Variants in ZBBX observed in about 807,000 individuals in gnomAD.
The protein encoded by ZBBX is zinc finger B-box domain-containing protein 1.
In ZBBX, 101 loss-of-function variants were observed where a neutral mutation model predicts 108.5. That is an observed-to-expected ratio of 0.93 (90% CI 0.79 to 1.10). The LOEUF is 1.10. Among genes scored for constraint, ZBBX ranks in the 50% least tolerant of loss-of-function variants. The probability of loss-of-function intolerance (pLI) is 0.00; values close to 1 mark genes in which losing one functional copy is unlikely to be tolerated. For synonymous variants in ZBBX, 356 were observed against 323.4 expected (o/e 1.10, Z -1.08); for missense variants, 1,009 against 941.4 (o/e 1.07, Z -0.94).
At position 167,262,192 on chromosome 3, in the gene ZBBX, C is replaced by T. The variant is rs1724662100; in HGVS notation, c.2255-19549G>A. On this transcript the variant is annotated intron_variant, in intron 20 of 21. Transcript: ENST00000675490. ...TTCCCACTTCAACAGTTGGGGCACT[C>T]AGTTTTTGTGGGTCGGGGGGGGCGT... Among the ~76,000 whole-genome samples the T allele has an allele frequency of 3.4e-5, 3 of 89,330 alleles. No homozygotes were observed. The Admixed American group carries it at 3.7e-4, about 11-fold the overall frequency. The allele number at this position is 89,330 out of a possible 152,430, so 58.6% of individuals were successfully genotyped here. A position where few individuals can be genotyped will look rare whatever the true frequency, so the allele number is the denominator to read the frequency against.
chr3:167,207,284 C>G, the ZBBX span, among the ~76,000 whole-genome samples: 3 of 152,110 alleles, frequency 2.0e-5, no homozygotes, highest in African/African-American at 7.2e-5. Flanking sequence ...AAACAAATAA[C>G]CTGATTTAAA....
chr3:167,274,266 T>C (rs538352993), intron 20 of ZBBX, among the ~76,000 whole-genome samples: 22 of 152,360 alleles, frequency 1.4e-4, no homozygotes, highest in Admixed American at 1.4e-3. Context: ...AAAGGAGTCA[T>C]GGCCCCAATC....
At chr3:167,366,562 TA>T (rs1745350270) in intron 5 of ZBBX, among the ~76,000 whole-genome samples, 2 of 151,790 alleles carry the variant, frequency 1.3e-5, no homozygotes, top group South Asian at 4.1e-4. Flanking sequence ...AAAATAACAA[TA>T]AGACAAAAAG....
At chr3:167,394,816 T>A (rs921872114) in intron 1 of ZBBX, among the ~76,000 whole-genome samples, 3 of 152,092 alleles carry the variant, frequency 2.0e-5, no homozygotes, top group African/African-American at 7.2e-5. Context: ...GGTCCAATCA[T>A]GGAAATTCTG....
At chr3:167,246,269 A>G (rs1267783933) in intron 20 of ZBBX, among the ~76,000 whole-genome samples, 1 of 152,226 alleles carries the variant, frequency 6.6e-6, no homozygotes, top group African/African-American at 2.4e-5. Flanking sequence ...TCAAAGACAC[A>G]CTAAAGCAAA....
rs375684808 is a variant in ZBBX, at chr3:167,259,508, C to T, written c.2255-16865G>A. 3.0e-3 allele frequency among the ~76,000 whole-genome samples: 458 copies of T among 152,116 alleles called. 2 individuals carry two copies. The highest frequency in any genetic ancestry group is 0.011 in the African/African-American group (448 of 41,492). ...TCTGATCTTGGTTATTTCCTTTCTT[C>T]TGCTGGGTTTGGGTTTGGTTTGTTC... On this transcript the variant is annotated intron_variant, in intron 20 of 21. Coordinates refer to ENST00000675490, the MANE Select transcript of ZBBX (RefSeq NM_001199201.2).
At chr3:167,403,814 A>C (rs1288479736) in intron 1 of ZBBX, among the ~76,000 whole-genome samples, 5 of 152,106 alleles carry the variant, frequency 3.3e-5, no homozygotes, top group Non-Finnish European at 5.9e-5. Context: ...AAAATCTAAC[A>C]GGTTATATAA....
intron 1 of ZBBX, among the ~76,000 whole-genome samples, chr3:167,401,747 T>C (rs1748430367): frequency 6.6e-6 from 1 of 152,174 alleles, no homozygotes; most frequent in South Asian, 2.1e-4. Context: ...CTGTATCTTC[T>C]GCCAACCTCC....
In ZBBX at chr3:167,365,947, T is replaced by C. The variant is rs1256136692; in HGVS notation, c.212A>G (p.Lys71Arg). Residue 71 changes from lysine (K) to arginine (R), a missense_variant, in exon 6 of 22, where the codon AAA becomes AGA. By Grantham distance (26) the Lys-to-Arg change is conservative. Transcript: ENST00000675490. ...TGATTGATTGACCAATTTGCCCACT[T>C]TTCCAGATTTCCAGTAATACTCGCT... ...ESSEYYWKSG[K>R]VGKLVNQSYM... 2 of 1,608,378 alleles carry C rather than the reference T, an allele frequency of 1.2e-6. No individual in the cohort carries two copies. Among genetic ancestry groups the C allele is most frequent in the African/African-American group, 1.3e-5 (1 of 74,754 alleles).
intron 18 of ZBBX, among the ~76,000 whole-genome samples, chr3:167,293,906 C>T (rs1249535887): frequency 1.6e-4 from 25 of 152,090 alleles, no homozygotes; most frequent in Admixed American, 1.6e-3. Flanking sequence ...CTATAACAGA[C>T]AAACAGAGAG....
At chr3:167,244,420 A>C (rs1721210381) in intron 20 of ZBBX, among the ~76,000 whole-genome samples, 2 of 152,366 alleles carry the variant, frequency 1.3e-5, no homozygotes, top group South Asian at 2.1e-4. Flanking sequence ...GAATACCAGC[A>C]GGTGAGATAT....
chr3:167,186,026 A>C, the ZBBX span, among the ~76,000 whole-genome samples: 2 of 151,904 alleles, frequency 1.3e-5, no homozygotes, highest in African/African-American at 4.8e-5. Context: ...TAAATACTTT[A>C]TTTTCCTTCA....
chr3:167,359,590 GT>G (rs1744178767), intron 8 of ZBBX, among the ~76,000 whole-genome samples: 1 of 152,066 alleles, frequency 6.6e-6, no homozygotes, highest in African/African-American at 2.4e-5. Context: ...ACTGCAACAT[GT>G]TTGTGTGCTA....
chr3:167,343,063 T>C (rs1740827732), intron 9 of ZBBX, among the ~76,000 whole-genome samples: 1 of 151,928 alleles, frequency 6.6e-6, no homozygotes, highest in Non-Finnish European at 1.5e-5. Flanking sequence ...GGGCTTTAAA[T>C]GTAGATAATA....
intron 19 of ZBBX, among the ~76,000 whole-genome samples, chr3:167,286,922 A>T (rs1729809104): frequency 6.6e-6 from 1 of 152,148 alleles, no homozygotes; most frequent in Non-Finnish European, 1.5e-5. Flanking sequence ...AGATTTCTAT[A>T]ACTTGTGACA....
intron 20 of ZBBX, among the ~76,000 whole-genome samples, chr3:167,250,827 G>A (rs1299483895): frequency 6.6e-6 from 1 of 152,114 alleles, no homozygotes; most frequent in Non-Finnish European, 1.5e-5. Context: ...TTGGACCTAG[G>A]TGACAACAGG....
chr3:167,217,984 C>T, the ZBBX span, among the ~76,000 whole-genome samples: 61,358 of 150,428 alleles, frequency 0.41, 12,740 homozygotes, highest in Non-Finnish European at 0.45. Flanking sequence ...ACCTTGTGAT[C>T]TGCCCACCTT....
At chr3:167,277,264 T>A (rs1727771369) in intron 20 of ZBBX, among the ~76,000 whole-genome samples, 2 of 151,778 alleles carry the variant, frequency 1.3e-5, no homozygotes, top group South Asian at 4.2e-4. Context: ...TAAATGTAAA[T>A]GGACTAAATG....
intron 9 of ZBBX, among the ~76,000 whole-genome samples, chr3:167,342,969 T>C (rs1208617601): frequency 1.3e-5 from 2 of 151,812 alleles, no homozygotes; most frequent in Non-Finnish European, 2.9e-5. Flanking sequence ...AATAGAGCTG[T>C]AATAAAAAAG....
Sources: allele counts gnomAD v4.1 joint callset (sites outside exome capture counted in the v4.1 genomes callset), GRCh38; gene constraint gnomAD v4.1.1; transcripts MANE v1.5; gene names NCBI Gene and HGNC (gene_info 2026-07-23, HGNC 2026-07-21).